PCDH15: variants seen among roughly 807,000 people sequenced by gnomAD.
PCDH15 encodes protocadherin related 15.
In PCDH15, 129 loss-of-function variants were observed where a neutral mutation model predicts 178.5. The ratio of observed to expected loss-of-function variants is 0.72; its 90% CI spans 0.63 to 0.84. PCDH15 has a LOEUF of 0.84. PCDH15 is among the 40% of genes least tolerant of loss of function. PCDH15 has a pLI of 0.00. For synonymous variants in PCDH15, 800 were observed against 732.0 expected, an observed-to-expected ratio of 1.09 and a Z score of -1.50; for missense variants, 2,230 against 2,099.9, an observed-to-expected ratio of 1.06 and a Z score of -1.21.
chr10:54,612,027 T>C (rs1207838469), intron 2 of PCDH15, among the ~76,000 whole-genome samples: 4 of 151,860 alleles, frequency 2.6e-5, no homozygotes, highest in African/African-American at 9.7e-5. Context: ...TTGTTAAATT[T>C]CGTTTCTTAA....
chr10:54,677,335 G>A (rs1052516690), intron 1 of PCDH15, among the ~76,000 whole-genome samples: 5 of 152,118 alleles, frequency 3.3e-5, no homozygotes, highest in East Asian at 1.9e-4. Context: ...AGATATGATC[G>A]TGTTACTGCA....
intron 1 of PCDH15, among the ~76,000 whole-genome samples, chr10:55,203,816 A>T (rs1840318768): frequency 6.6e-6 from 1 of 152,086 alleles, no homozygotes; most frequent in Non-Finnish European, 1.5e-5. Context: ...ATTTTTAAAA[A>T]GTGTTCTACT....
At chr10:54,800,395 T>C (rs1952545987) in intron 1 of PCDH15, among the ~76,000 whole-genome samples, 1 of 152,048 alleles carries the variant, frequency 6.6e-6, no homozygotes, top group Non-Finnish European at 1.5e-5. Context: ...AACTAAAACA[T>C]CCACAGTAAA....
intron 2 of PCDH15, among the ~76,000 whole-genome samples, chr10:55,624,210 T>C (rs1837473778): frequency 6.6e-6 from 1 of 152,006 alleles, no homozygotes; most frequent in African/African-American, 2.4e-5. Flanking sequence ...TAAGTTTATT[T>C]TCCGAGAATT....
chr10:55,595,567 AT>A (rs1465787827), intron 2 of PCDH15, among the ~76,000 whole-genome samples: 1 of 152,122 alleles, frequency 6.6e-6, no homozygotes, highest in African/African-American at 2.4e-5. Context: ...AATAACCAGG[AT>A]TAAGAACCAC....
At chr10:53,854,064 T>A (rs2078569223) in intron 28 of PCDH15, among the ~76,000 whole-genome samples, 1 of 152,024 alleles carries the variant, frequency 6.6e-6, no homozygotes, top group African/African-American at 2.4e-5. Context: ...TATTGAGAAC[T>A]ATTCAGCTCT....
At chr10:55,191,022 T>C (rs914785388) in intron 1 of PCDH15, among the ~76,000 whole-genome samples, 4 of 151,698 alleles carry the variant, frequency 2.6e-5, no homozygotes, top group African/African-American at 9.7e-5. Context: ...GGAAAAAATA[T>C]TTGGGGTTTT....
At chr10:54,193,103 C>T (rs2133896004) in intron 11 of PCDH15, among the ~76,000 whole-genome samples, 1 of 152,290 alleles carries the variant, frequency 6.6e-6, no homozygotes, top group African/African-American at 2.4e-5. Flanking sequence ...CTGTACATCT[C>T]CAAGAGTTGA....
chr10:55,099,783 C>A (rs1564797593), intron 2 of PCDH15, among the ~76,000 whole-genome samples: 1 of 151,022 alleles, frequency 6.6e-6, no homozygotes. Flanking sequence ...ACTTGACTGC[C>A]AAAAAAAAGA....
At chr10:54,054,920 A>ATT in intron 18 of PCDH15, among the ~76,000 whole-genome samples, 1 of 152,250 alleles carries the variant, frequency 6.6e-6, no homozygotes, top group East Asian at 1.9e-4. Context: ...TTAAAAAAGA[A>ATT]TTATTACAGT....
chr10:54,321,134 A>T (rs1271235951), intron 7 of PCDH15, among the ~76,000 whole-genome samples: 7 of 149,934 alleles, frequency 4.7e-5, no homozygotes, highest in Non-Finnish European at 1.0e-4. Flanking sequence ...GTATTTGTAA[A>T]TTTACTTGTG....
At chr10:55,101,477 C>T (rs1042049623) in intron 2 of PCDH15, among the ~76,000 whole-genome samples, 1 of 150,978 alleles carries the variant, frequency 6.6e-6, no homozygotes, top group Admixed American at 6.6e-5. Context: ...AAATAGACAA[C>T]AGCCTCCAGC....
At chr10:54,351,164 C>A (rs1944115923) in intron 5 of PCDH15, among the ~76,000 whole-genome samples, 1 of 151,888 alleles carries the variant, frequency 6.6e-6, no homozygotes, top group South Asian at 2.1e-4. Flanking sequence ...ATATTCAGAT[C>A]TTTTTTGTGC....
At chr10:54,594,939 G>A (rs1388638735) in intron 2 of PCDH15, among the ~76,000 whole-genome samples, 1 of 152,184 alleles carries the variant, frequency 6.6e-6, no homozygotes, top group Non-Finnish European at 1.5e-5. Flanking sequence ...ACTGCTGTAA[G>A]CAAGAATGCT....
intron 21 of PCDH15, among the ~76,000 whole-genome samples, chr10:53,992,766 T>C (rs1430020991): frequency 6.6e-6 from 1 of 152,218 alleles, no homozygotes; most frequent in Admixed American, 6.5e-5. Context: ...TCATGTCTCA[T>C]GTGAACTACA....
At chr10:55,251,455 T>C (rs149307315) in intron 1 of PCDH15, among the ~76,000 whole-genome samples, 2 of 152,300 alleles carry the variant, frequency 1.3e-5, no homozygotes, top group African/African-American at 4.8e-5. Flanking sequence ...TAGGAAATAA[T>C]ATAATATTTA....
chr10:53,891,840 T>C (rs1265666930), intron 26 of PCDH15, among the ~76,000 whole-genome samples: 1 of 151,426 alleles, frequency 6.6e-6, no homozygotes, highest in Non-Finnish European at 1.5e-5. Flanking sequence ...GGTGTGGCTT[T>C]CACCTGTAAT....
intron 2 of PCDH15, among the ~76,000 whole-genome samples, chr10:55,432,991 T>C (rs1052145022): frequency 6.6e-6 from 1 of 151,476 alleles, no homozygotes; most frequent in African/African-American, 2.4e-5. Context: ...GCCACTGCAC[T>C]CCAGCCTGAG....
intron 3 of PCDH15, among the ~76,000 whole-genome samples, chr10:54,445,845 A>G (rs1440020239): frequency 6.6e-6 from 1 of 151,524 alleles, no homozygotes; most frequent in African/African-American, 2.4e-5. Context: ...AAATTAGTTT[A>G]TTGTGATCTT....
Sources: allele counts gnomAD v4.1 joint callset (sites outside exome capture counted in the v4.1 genomes callset), GRCh38; gene constraint gnomAD v4.1.1; transcripts MANE v1.5; gene names NCBI Gene and HGNC (gene_info 2026-07-23, HGNC 2026-07-21).